Variants in TSACC observed in about 807,000 individuals in gnomAD.
TSACC encodes TSSK6 activating cochaperone, also known as TSSK6-activating co-chaperone protein.
A neutral mutation model predicts 6.9 loss-of-function variants in TSACC; 3 were observed. The ratio of observed to expected loss-of-function variants is 0.43; its 90% CI spans 0.20 to 1.12. The LOEUF is 1.12. Ranked by LOEUF, TSACC falls within the 50% of genes most tolerant of loss-of-function variation. TSACC has a pLI of 0.28. For synonymous variants in TSACC, 54 were observed against 55.1 expected (o/e 0.98, Z 0.09); for missense variants, 137 against 143.9 (o/e 0.95, Z 0.24).
intron 2 of TSACC, among the ~76,000 whole-genome samples, chr1:156,341,898 T>A (rs1323757570): frequency 2.0e-5 from 3 of 151,738 alleles, no homozygotes; most frequent in African/African-American, 7.3e-5. Context: ...CCGTCTCTAC[T>A]AAAAATACAA....
At chr1:156,338,114 G>T (rs1364488973), upstream of TSACC, 4 of 1,568,098 alleles carry the variant, frequency 2.6e-6, no homozygotes, top group Admixed American at 3.9e-5. Context: ...ACAGAAGAGG[G>T]CGAAAAGGGG....
At chr1:156,338,296 T>TC, upstream of TSACC, 1 of 1,023,096 alleles carries the variant, frequency 9.8e-7, no homozygotes, top group Non-Finnish European at 1.5e-6. Flanking sequence ...GGCTTACACC[T>TC]CAACCCGCTA....
intron 1 of TSACC, among the ~76,000 whole-genome samples, chr1:156,339,315 C>T (rs1433199980): frequency 6.6e-6 from 1 of 151,538 alleles, no homozygotes; most frequent in Non-Finnish European, 1.5e-5. Context: ...TTTTCCCCCA[C>T]ATCCATCCCT....
chr1:156,337,943 C>T (rs1446112936), upstream of TSACC, among the ~76,000 whole-genome samples: 1 of 152,122 alleles, frequency 6.6e-6, no homozygotes, highest in Non-Finnish European at 1.5e-5. Flanking sequence ...AGGAAAGAGG[C>T]TCGGCGAGAA....
chr1:156,341,326 G>A (rs1665871839), intron 2 of TSACC, among the ~76,000 whole-genome samples: 2 of 152,304 alleles, frequency 1.3e-5, no homozygotes, highest in South Asian at 4.1e-4. Flanking sequence ...GTGAAATGTA[G>A]GTAAAGCTAC....
upstream of TSACC, chr1:156,338,446 G>A (rs1665570348): frequency 1.8e-6 from 1 of 563,560 alleles, no homozygotes; most frequent in Admixed American, 3.1e-5. Context: ...GCACTGGGAG[G>A]GCACAGGCGC....
intron 2 of TSACC, among the ~76,000 whole-genome samples, chr1:156,340,829 T>G (rs536747957): frequency 6.6e-6 from 1 of 152,244 alleles, no homozygotes; most frequent in African/African-American, 2.4e-5. Context: ...AGCATGACTT[T>G]GGAGTCTACA....
chr1:156,340,454 C>CAGCTTGGGCATAAATTAACT (rs1665809940), intron 2 of TSACC, among the ~76,000 whole-genome samples: 1 of 145,550 alleles, frequency 6.9e-6, no homozygotes. Context: ...CTACCGCCCC[C>CAGCTTGGGCATAAATTAACT]GGCCTTTTTT....
chr1:156,337,319 G>C (rs1043219948), upstream of TSACC: 1 of 273,734 alleles, frequency 3.7e-6, no homozygotes, highest in South Asian at 2.8e-5. Context: ...AAGGCAGGAG[G>C]ATCGCTTGAA....
upstream of TSACC, chr1:156,338,331 G>T: frequency 1.4e-6 from 1 of 737,488 alleles, no homozygotes; most frequent in Non-Finnish European, 2.3e-6. Context: ...GCCAATCACC[G>T]CACCCATCTC....
At chr1:156,344,891 C>T (rs1666086539) in intron 3 of TSACC, among the ~76,000 whole-genome samples, 183 bp downstream of exon 3, 1 of 152,216 alleles carries the variant, frequency 6.6e-6, no homozygotes, top group Non-Finnish European at 1.5e-5. Context: ...GTTCTACCAA[C>T]TTGTATTGTT....
intron 2 of TSACC, among the ~76,000 whole-genome samples, chr1:156,341,679 T>G (rs1197027795): frequency 2.0e-5 from 3 of 152,168 alleles, no homozygotes; most frequent in Admixed American, 6.5e-5. Flanking sequence ...TAAAGCAGTC[T>G]CTTTCTTTAA....
At chr1:156,338,447 G>A, upstream of TSACC, 3 of 561,952 alleles carry the variant, frequency 5.3e-6, no homozygotes, top group South Asian at 6.6e-5. Flanking sequence ...CACTGGGAGG[G>A]CACAGGCGCT....
rs554451503 is a variant in TSACC at position 156,342,194 on chromosome 1, C to T, written c.35-2386C>T. ...AAATTAACACATTATTGAGAAGAAT[C>T]TTGAGACCTGAGTTTCAACTTCTGT... On this transcript the variant is annotated intron_variant, in intron 2 of 3. Transcript: ENST00000368254. 1.2e-3 allele frequency among the ~76,000 whole-genome samples: 184 copies of T among 152,188 alleles called. 2 individuals are homozygous for T. The highest frequency in any genetic ancestry group is 0.012 in the Admixed American group (181 of 15,262).
upstream of TSACC, chr1:156,338,214 A>G: frequency 1.9e-6 from 3 of 1,578,554 alleles, no homozygotes; most frequent in Non-Finnish European, 2.6e-6. Context: ...GGGTACCCAG[A>G]GCTGGGGGAA....
chr1:156,346,040 A>G (rs555909063), intron 3 of TSACC, among the ~76,000 whole-genome samples: 5 of 151,820 alleles, frequency 3.3e-5, no homozygotes, highest in African/African-American at 1.2e-4. Flanking sequence ...CTAATGATAC[A>G]AAACTTAGCC....
At chr1:156,338,199 G>A, upstream of TSACC, 1 of 1,585,352 alleles carries the variant, frequency 6.3e-7, no homozygotes, top group Non-Finnish European at 8.6e-7. Flanking sequence ...ACGCGATGCA[G>A]AGCCGGGTAC....
intron 3 of TSACC, 75 bp downstream of exon 3, chr1:156,344,783 C>A: frequency 1.3e-6 from 2 of 1,542,512 alleles, no homozygotes; most frequent in South Asian, 2.4e-5. Flanking sequence ...CTTGAGCTGT[C>A]GCCTATTGAT....
At chr1:156,338,090 A>C, upstream of TSACC, 1 of 1,542,420 alleles carries the variant, frequency 6.5e-7, no homozygotes, top group Non-Finnish European at 8.8e-7. Context: ...CTGGGGCAAC[A>C]CTGAAAAGTA....
Sources: allele counts gnomAD v4.1 joint callset (sites outside exome capture counted in the v4.1 genomes callset), GRCh38; gene constraint gnomAD v4.1.1; transcripts MANE v1.5; gene names NCBI Gene and HGNC (gene_info 2026-07-23, HGNC 2026-07-21).